The following GABRA3 variants were observed in gnomAD, a reference collection of about 807,000 sequenced individuals.
GABRA3 encodes the protein gamma-aminobutyric acid type A receptor subunit alpha3.
GABRA3 carries 10 observed loss-of-function variants against 30.1 expected under a neutral mutation model. That is an observed-to-expected ratio of 0.33 (90% confidence interval 0.20 to 0.56). The LOEUF is 0.56. GABRA3 is among the 20% of genes least tolerant of loss of function. The pLI, the probability that GABRA3 is intolerant of heterozygous loss-of-function variation, is 0.89. For missense variants in GABRA3, 233 were observed against 392.0 expected (o/e 0.59, Z 3.42); for synonymous variants, 151 against 146.8 (o/e 1.03, Z -0.21).
At chrX:152,212,477 C>T (rs1409438417) in intron 6 of GABRA3, among the ~76,000 whole-genome samples, 4 of 109,510 alleles carry the variant, frequency 3.7e-5, no homozygotes, top group African/African-American at 1.0e-4. Flanking sequence ...TGTGTACACA[C>T]GAGTTGTGGA....
In GABRA3 at chrX:152,168,529, C is replaced by A; in HGVS notation, c.1178G>T (p.Ser393Ile). The A allele has an allele frequency of 1.7e-6, 2 of 1,209,823 alleles. No individual in the cohort carries two copies. Among genetic ancestry groups the A allele is most frequent in the Non-Finnish European group, 2.2e-6 (2 of 894,106 alleles). The change falls in exon 10 of 10, where the codon AGC becomes ATC. Residue 393 changes from serine (S) to isoleucine (I), a missense_variant. Around this residue, in one of 6 missense-constraint regions of GABRA3, gnomAD observed 66 missense variants for 57.1 expected, o/e 1.16. Coordinates refer to ENST00000370314, the MANE Select transcript of GABRA3 (RefSeq NM_000808.4). ...KTPAAPAKKT[S>I]TTFNIVGTTY... is the part of the protein sequence containing the mutation. ...GGTCCCCACGATGTTGAAGGTAGTG[C>A]TGGTTTTCTTTGCTGGGGCTGCTGG...
intron 7 of GABRA3, among the ~76,000 whole-genome samples, chrX:152,205,006 G>C (rs765716733): frequency 1.8e-5 from 2 of 111,553 alleles, no homozygotes; most frequent in Non-Finnish European, 3.8e-5. Flanking sequence ...CCATGTGCAC[G>C]CACGCGTGTG....
chrX:152,314,903 C>G (rs1939849882), intron 3 of GABRA3, among the ~76,000 whole-genome samples: 1 of 111,697 alleles, frequency 9.0e-6, no homozygotes, highest in African/African-American at 3.3e-5. Flanking sequence ...AAGCTAACCT[C>G]TACATTAAGT....
chrX:152,226,828 A>G (rs1367288571), intron 5 of GABRA3, among the ~76,000 whole-genome samples: 2 of 112,061 alleles, frequency 1.8e-5, no homozygotes, highest in African/African-American at 6.5e-5. Flanking sequence ...CAAAACCACA[A>G]TGAGATACCA....
chrX:152,178,962 CAT>C (rs1355917370), intron 9 of GABRA3, among the ~76,000 whole-genome samples: 3 of 111,479 alleles, frequency 2.7e-5, no homozygotes, highest in Non-Finnish European at 3.8e-5. Flanking sequence ...ATTTATTTCA[CAT>C]ATGTAACCCT....
At chrX:152,401,883 G>A (rs1229089874) in intron 1 of GABRA3, among the ~76,000 whole-genome samples, 3 of 111,635 alleles carry the variant, frequency 2.7e-5, no homozygotes, top group Non-Finnish European at 5.6e-5. Context: ...AAGGGATTTA[G>A]GAATCTGCTA....
At position 152,310,659 on chromosome X, in the gene GABRA3, G is replaced by T. The variant is rs1939784890; in HGVS notation, c.263-25924C>A. Among the ~76,000 whole-genome samples the T allele has an allele frequency of 1.8e-5, 2 of 110,304 alleles. 1 individual carries two copies. Among genetic ancestry groups the T allele is most frequent in the South Asian group, 7.7e-4 (2 of 2,609 alleles). On this transcript the variant is annotated intron_variant, in intron 3 of 9. Coordinates refer to ENST00000370314, the MANE Select transcript of GABRA3 (RefSeq NM_000808.4). ...TAGCATGGCTAGAGGAACTAGAAAAGCAAGAGTAAACTACTCCAAAGCTAG... is the reference window on the plus strand; with the variant it reads ...TAGCATGGCTAGAGGAACTAGAAAATCAAGAGTAAACTACTCCAAAGCTAG...
intron 3 of GABRA3, among the ~76,000 whole-genome samples, chrX:152,291,243 T>G (rs1939409806): frequency 9.0e-6 from 1 of 111,708 alleles, no homozygotes; most frequent in Admixed American, 9.5e-5. Flanking sequence ...CTCTTGTAAG[T>G]TGGATTCCTA....
At chrX:152,341,291 A>T (rs1049130516) in intron 3 of GABRA3, among the ~76,000 whole-genome samples, 2 of 111,186 alleles carry the variant, frequency 1.8e-5, no homozygotes, top group African/African-American at 6.6e-5. Context: ...ATGGGCACTT[A>T]GGTTGGTTCC....
At chrX:152,356,745 C>T (rs901877907) in intron 2 of GABRA3, among the ~76,000 whole-genome samples, 2 of 111,416 alleles carry the variant, frequency 1.8e-5, no homozygotes, top group Non-Finnish European at 3.8e-5. Context: ...CCTCCTTCCA[C>T]ACTCTACCCT....
chrX:152,322,116 A>T (rs1209709366), intron 3 of GABRA3, among the ~76,000 whole-genome samples: 4 of 112,132 alleles, frequency 3.6e-5, no homozygotes, highest in Non-Finnish European at 5.6e-5. Context: ...AGATAAACAA[A>T]TTGTGGTTTA....
intron 5 of GABRA3, chrX:152,251,010 A>T: frequency 4.2e-6 from 1 of 239,199 alleles, no homozygotes; most frequent in Non-Finnish European, 8.1e-6. Flanking sequence ...GACTTGAGAA[A>T]GGTCACTAGG....
chrX:152,414,544 T>A (rs190085838), intron 1 of GABRA3, among the ~76,000 whole-genome samples: 1 of 111,282 alleles, frequency 9.0e-6, no homozygotes, highest in East Asian at 2.8e-4. Flanking sequence ...CAAATGCTGA[T>A]GAGGATGTGG....
chrX:152,169,648 G>A (rs1936979109), intron 9 of GABRA3, among the ~76,000 whole-genome samples: 1 of 111,859 alleles, frequency 8.9e-6, no homozygotes, highest in Non-Finnish European at 1.9e-5. Context: ...CTAGCTCATA[G>A]TCTATAGATG....
At chrX:152,187,978 C>T (rs1937277566) in intron 9 of GABRA3, among the ~76,000 whole-genome samples, 1 of 111,683 alleles carries the variant, frequency 9.0e-6, no homozygotes. Context: ...AGTATAAACA[C>T]AATAGACAAT....
At chrX:152,275,140 TAA>T (rs1491323745) in intron 4 of GABRA3, among the ~76,000 whole-genome samples, 1 of 64,182 alleles carries the variant, frequency 1.6e-5, no homozygotes, top group Non-Finnish European at 2.7e-5. Flanking sequence ...ATATATAATA[TAA>T]TATATATATT....
At position 152,166,984 on chromosome X, in the gene GABRA3, C is replaced by G. The variant is rs1936944052; in HGVS notation, c.*1244G>C. On this transcript the variant is annotated 3_prime_UTR_variant, in exon 10 of 10. Transcript: ENST00000370314. ...CGTATTTATGCCTGTGTCTTTTACT[C>G]ACATTAAGATTAAGAACAAATGGCC... 2 of 110,232 alleles carry G rather than the reference C, an allele frequency of 1.8e-5. No individual in the cohort carries two copies. The highest frequency in any genetic ancestry group is 3.4e-5 in the African/African-American group (1 of 29,745). The allele number at this position is 110,232 out of a possible 1,213,427, so 9.1% of individuals were successfully genotyped here.
intron 4 of GABRA3, among the ~76,000 whole-genome samples, chrX:152,264,235 A>G (rs1938781470): frequency 8.9e-6 from 1 of 112,133 alleles, no homozygotes; most frequent in Non-Finnish European, 1.9e-5. Context: ...CTTCATAGAA[A>G]GATTCAATCA....
intron 4 of GABRA3, among the ~76,000 whole-genome samples, chrX:152,259,144 T>G (rs1938686701): frequency 9.0e-6 from 1 of 111,628 alleles, no homozygotes. Context: ...CAGACCAAAC[T>G]TAGCTGATGC....
Sources: gnomAD v4.1 joint callset for allele counts (sites outside exome capture counted in the v4.1 genomes callset) on GRCh38, gnomAD v4.1.1 for gene constraint, gnomAD v4.1.1 regional missense constraint, MANE v1.5 for transcripts, NCBI Gene and HGNC (gene_info 2026-07-23, HGNC 2026-07-21) for gene names.